The following KAZN variants were observed in gnomAD, a reference collection of about 807,000 sequenced individuals.
The protein encoded by KAZN is kazrin, periplakin interacting protein, also known as kazrin.
KAZN carries 40 observed loss-of-function variants against 87.4 expected under a neutral mutation model. That is an observed-to-expected ratio of 0.46 (90% CI 0.36 to 0.60). The LOEUF (loss-of-function observed/expected upper bound fraction) is 0.60, where lower values mean the gene tolerates loss of function less well. KAZN is among the 20% of genes least tolerant of loss of function. The pLI is 0.00. For missense variants in KAZN, 898 were observed against 1,073.9 expected, an observed-to-expected ratio of 0.84 and a Z score of 2.29; for synonymous variants, 466 against 458.3, an observed-to-expected ratio of 1.02 and a Z score of -0.22.
At chr1:14,984,042 G>C (rs1191054393) in intron 2 of KAZN, among the ~76,000 whole-genome samples, 1 of 152,198 alleles carries the variant, frequency 6.6e-6, no homozygotes, top group East Asian at 1.9e-4. Flanking sequence ...CTTTGGAGTA[G>C]TAATTCTGAA....
At chr1:14,882,431 C>T (rs1467647054) in intron 1 of KAZN, among the ~76,000 whole-genome samples, 7 of 152,158 alleles carry the variant, frequency 4.6e-5, no homozygotes, top group Non-Finnish European at 7.3e-5. Context: ...CTCTTGGCCT[C>T]GGTTTCCTTG....
intron 2 of KAZN, among the ~76,000 whole-genome samples, chr1:14,534,397 C>T (rs1174892071): frequency 6.6e-6 from 1 of 152,212 alleles, no homozygotes; most frequent in Non-Finnish European, 1.5e-5. Flanking sequence ...GTAATCCCAG[C>T]ACTTTGGGAG....
rs548980464 is a variant in KAZN at position 15,081,574 on chromosome 1, G to A, written c.1223-12606G>A. 2.6e-4 allele frequency among the ~76,000 whole-genome samples: 39 copies of A among 152,204 alleles called. No homozygotes were observed. Among genetic ancestry groups the A allele is most frequent in the African/African-American group, 8.9e-4 (37 of 41,538 alleles). Reference sequence around the variant, plus strand: ...AATTAATGACAGCGTGTGTGTGTGTGTGTGTGAGTGTGTGTGTTGGGGAGT... The same window carrying A: ...AATTAATGACAGCGTGTGTGTGTGTATGTGTGAGTGTGTGTGTTGGGGAGT... On this transcript the variant is annotated intron_variant, in intron 8 of 14. Coordinates refer to ENST00000376030, the MANE Select transcript of KAZN (RefSeq NM_201628.3). The surrounding 1 kb of genome is among the most constrained non-coding windows in gnomAD (Gnocchi z 4.1).
intron 2 of KAZN, among the ~76,000 whole-genome samples, chr1:14,547,100 G>T (rs1299550725): frequency 6.6e-6 from 1 of 152,186 alleles, no homozygotes; most frequent in Non-Finnish European, 1.5e-5. Flanking sequence ...TAAACCCCAG[G>T]TGTCTTTTCC....
chr1:14,696,906 A>G (rs773713055), intron 1 of KAZN, among the ~76,000 whole-genome samples: 3 of 152,210 alleles, frequency 2.0e-5, no homozygotes, highest in Non-Finnish European at 4.4e-5. Context: ...ACAGGAGTCA[A>G]GTAAATGCAG....
chr1:14,009,686 C>T (rs1402014150), intron 1 of KAZN, among the ~76,000 whole-genome samples: 3 of 152,188 alleles, frequency 2.0e-5, no homozygotes, highest in African/African-American at 7.2e-5. Flanking sequence ...CCTGACCACT[C>T]CCCCATATCT....
intron 2 of KAZN, among the ~76,000 whole-genome samples, chr1:14,275,040 T>C (rs1652241978): frequency 6.6e-6 from 1 of 152,106 alleles, no homozygotes; most frequent in African/African-American, 2.4e-5. Context: ...AAAATGTGAC[T>C]CTATGCATAC....
intron 1 of KAZN, among the ~76,000 whole-genome samples, chr1:14,002,952 C>G (rs1010932819): frequency 6.6e-6 from 1 of 152,150 alleles, no homozygotes; most frequent in Non-Finnish European, 1.5e-5. Flanking sequence ...GTGGAACCAA[C>G]CCATGTGCCC....
At chr1:14,975,044 G>A (rs1006093521) in intron 2 of KAZN, among the ~76,000 whole-genome samples, 1 of 152,238 alleles carries the variant, frequency 6.6e-6, no homozygotes, top group Non-Finnish European at 1.5e-5. Context: ...TCACATCAGT[G>A]GGGTGGCCTC....
At chr1:14,778,883 G>A (rs1347612085) in intron 1 of KAZN, among the ~76,000 whole-genome samples, 1 of 152,164 alleles carries the variant, frequency 6.6e-6, no homozygotes, top group Non-Finnish European at 1.5e-5. Flanking sequence ...GACTGCATTT[G>A]GACAGCAGCT....
At chr1:14,324,603 A>ATGGTATACACAAT in intron 2 of KAZN, among the ~76,000 whole-genome samples, 1 of 152,142 alleles carries the variant, frequency 6.6e-6, no homozygotes, top group East Asian at 1.9e-4. Flanking sequence ...AATAAGACAT[A>ATGGTATACACAAT]ATGGCCTTAT....
chr1:13,927,686 T>C (rs1640338032), intron 1 of KAZN, among the ~76,000 whole-genome samples: 2 of 152,144 alleles, frequency 1.3e-5, no homozygotes, highest in African/African-American at 4.8e-5. Flanking sequence ...GATGGAGAAG[T>C]TTCCTGCCCC....
chr1:14,658,453 G>A (rs1638935998), intron 1 of KAZN, among the ~76,000 whole-genome samples: 1 of 152,088 alleles, frequency 6.6e-6, no homozygotes. Context: ...CTGTAGGAAG[G>A]GGCAGTTATG....
chr1:14,849,853 G>A (rs745998450), intron 1 of KAZN, among the ~76,000 whole-genome samples: 12 of 152,036 alleles, frequency 7.9e-5, no homozygotes, highest in Non-Finnish European at 7.4e-5. Context: ...GGCTCCCCCA[G>A]ATAGCTTAGC....
chr1:14,648,233 C>T (rs746437929), intron 1 of KAZN, among the ~76,000 whole-genome samples: 2 of 152,184 alleles, frequency 1.3e-5, no homozygotes, highest in Non-Finnish European at 2.9e-5. Context: ...ACACAGCAAA[C>T]TATTGACAGT....
intron 1 of KAZN, among the ~76,000 whole-genome samples, chr1:14,725,385 A>G (rs947717563): frequency 1.3e-5 from 2 of 151,766 alleles, no homozygotes; most frequent in African/African-American, 2.4e-5. Context: ...GTCATCTGAC[A>G]TTTATTTGTG....
rs1271651893 is a variant in KAZN at position 15,032,540 on chromosome 1, C to T, written c.419-2209C>T. On this transcript the variant is annotated intron_variant, in intron 2 of 14. Transcript: ENST00000376030. ...TCACATAATATATGGCCTTTAGTGGCTGGCCTTTTCCCTTAGCATGTTTTC... is the reference window on the plus strand; with the variant it reads ...TCACATAATATATGGCCTTTAGTGGTTGGCCTTTTCCCTTAGCATGTTTTC... 2.0e-5 allele frequency among the ~76,000 whole-genome samples: 3 copies of T among 152,090 alleles called. No homozygotes were observed. In the East Asian group the frequency reaches 5.8e-4, roughly 29 times the overall value.
intron 1 of KAZN, among the ~76,000 whole-genome samples, chr1:14,068,647 T>C (rs184840840): frequency 6.6e-6 from 1 of 152,110 alleles, no homozygotes; most frequent in Admixed American, 6.5e-5. Context: ...GGGAGAGAAA[T>C]TTGGGCCCTT....
chr1:14,407,838 T>C (rs1301289138), intron 2 of KAZN, among the ~76,000 whole-genome samples: 2 of 152,214 alleles, frequency 1.3e-5, no homozygotes, highest in Admixed American at 1.3e-4. Context: ...AGTGGTTTAG[T>C]TTTTCTACTT....
Sources: allele counts gnomAD v4.1 joint callset (sites outside exome capture counted in the v4.1 genomes callset), GRCh38; gene constraint gnomAD v4.1.1; non-coding constraint Gnocchi (gnomAD v3.1); transcripts MANE v1.5; gene names NCBI Gene and HGNC (gene_info 2026-07-23, HGNC 2026-07-21).